Variants in SFMBT1 observed in about 807,000 individuals in gnomAD.
The protein encoded by SFMBT1 is scm-like with four MBT domains protein 1.
A neutral mutation model predicts 108.7 loss-of-function variants in SFMBT1; 32 were observed. The ratio of observed to expected loss-of-function variants is 0.29; its 90% CI spans 0.22 to 0.40. SFMBT1 has a LOEUF of 0.40. Ranked by LOEUF, SFMBT1 falls within the 10% of genes least tolerant of loss-of-function variation. The pLI is 1.00. For synonymous variants in SFMBT1, 348 were observed against 369.5 expected, an observed-to-expected ratio of 0.94 and a Z score of 0.67; for missense variants, 816 against 1,059.6, an observed-to-expected ratio of 0.77 and a Z score of 3.19.
chr3:53,023,775 C>G (rs1559553415), intron 1 of SFMBT1, among the ~76,000 whole-genome samples: 1 of 152,198 alleles, frequency 6.6e-6, no homozygotes, highest in African/African-American at 2.4e-5. Flanking sequence ...GTTCCTACAG[C>G]CCTTTCTTTT....
intron 5 of SFMBT1, among the ~76,000 whole-genome samples, chr3:52,933,783 T>G (rs1342555376): frequency 6.6e-6 from 1 of 152,066 alleles, no homozygotes; most frequent in Non-Finnish European, 1.5e-5. Context: ...ACCATAAAAC[T>G]CTTAGAAAAT....
At chr3:52,978,413 C>T (rs1704594555) in intron 1 of SFMBT1, among the ~76,000 whole-genome samples, 1 of 152,098 alleles carries the variant, frequency 6.6e-6, no homozygotes, top group African/African-American at 2.4e-5. Flanking sequence ...CTGCCACTCC[C>T]ATGTACCTCT....
intron 2 of SFMBT1, among the ~76,000 whole-genome samples, chr3:52,956,868 A>T (rs1703802737): frequency 1.3e-5 from 2 of 152,212 alleles, no homozygotes; most frequent in South Asian, 4.1e-4. Context: ...AGCCAATATC[A>T]TACTGAATGG....
rs961281273 is a variant in SFMBT1, at chr3:52,906,300, A to G, written c.2332-59T>C. ...TGTTACGGCTATTTTATTCTAAAAAAGTCTCTCTACCTAAATTCATAATCT... is the reference window on the plus strand; with the variant it reads ...TGTTACGGCTATTTTATTCTAAAAAGGTCTCTCTACCTAAATTCATAATCT... On this transcript the variant is annotated intron_variant, in intron 19 of 20. Transcript: ENST00000394752. The G allele has an allele frequency of 1.6e-5, 25 of 1,611,318 alleles. No individual in the cohort carries two copies. The Middle Eastern group carries it at 8.2e-4, about 53-fold the overall frequency.
chr3:53,016,095 A>G (rs1699116055), intron 1 of SFMBT1, among the ~76,000 whole-genome samples: 1 of 152,158 alleles, frequency 6.6e-6, no homozygotes, highest in Non-Finnish European at 1.5e-5. Flanking sequence ...GCAGTAAAAG[A>G]AAATAAAGTT....
At chr3:53,013,455 A>G (rs1699020956) in intron 1 of SFMBT1, among the ~76,000 whole-genome samples, 1 of 151,390 alleles carries the variant, frequency 6.6e-6, no homozygotes, top group South Asian at 2.1e-4. Flanking sequence ...TCACTTTTCT[A>G]TCCACTGCTA....
intron 1 of SFMBT1, among the ~76,000 whole-genome samples, chr3:52,998,060 A>C (rs1454471643): frequency 1.3e-5 from 2 of 150,626 alleles, no homozygotes; most frequent in Non-Finnish European, 3.0e-5. Context: ...AAAATTTTTT[A>C]AATTACAGCA....
At chr3:52,931,170 C>T in intron 6 of SFMBT1, 135 bp from the exon 7 acceptor site, 1 of 702,974 alleles carries the variant, frequency 1.4e-6, no homozygotes, top group Non-Finnish European at 2.4e-6. Context: ...ACTTATATCC[C>T]TTTACATTCA....
chr3:52,942,673 C>T (rs1156793898), intron 4 of SFMBT1, among the ~76,000 whole-genome samples: 1 of 152,208 alleles, frequency 6.6e-6, no homozygotes, highest in African/African-American at 2.4e-5. Context: ...CCACCACACC[C>T]AGCTAATTGT....
chr3:53,015,101 T>C (rs966483935), intron 1 of SFMBT1, among the ~76,000 whole-genome samples: 1 of 151,682 alleles, frequency 6.6e-6, no homozygotes, highest in Non-Finnish European at 1.5e-5. Context: ...TCACAGCTAC[T>C]GAGGAGGCTG....
At chr3:53,044,385 G>A (rs1341235459) in intron 1 of SFMBT1, among the ~76,000 whole-genome samples, 2 of 152,162 alleles carry the variant, frequency 1.3e-5, no homozygotes, top group African/African-American at 4.8e-5. Context: ...AAGGCAGTTA[G>A]TCAATGACAA....
At chr3:52,996,871 C>T in intron 1 of SFMBT1, among the ~76,000 whole-genome samples, 1 of 149,698 alleles carries the variant, frequency 6.7e-6, no homozygotes. Context: ...AGATTGAGAC[C>T]ATCCTGGCTA....
At chr3:52,907,861 A>C (rs1241462045) in intron 17 of SFMBT1, 128 bp from the exon 18 acceptor site, 4 of 841,868 alleles carry the variant, frequency 4.8e-6, no homozygotes, top group Non-Finnish European at 7.2e-6. Context: ...AATTCCATAG[A>C]GTGGAATAAA....
chr3:53,033,362 TGTTGGC>T (rs1271405283), intron 1 of SFMBT1, among the ~76,000 whole-genome samples: 1 of 152,050 alleles, frequency 6.6e-6, no homozygotes, highest in Non-Finnish European at 1.5e-5. Flanking sequence ...GGTTTCACCA[TGTTGGC>T]CAGGCTGGTC....
At chr3:52,973,787 T>C (rs2336672) in intron 1 of SFMBT1, among the ~76,000 whole-genome samples, 61,101 of 151,978 alleles carry the variant, frequency 0.4, 12,742 homozygotes, top group African/African-American at 0.5. Flanking sequence ...TGAGCTACCA[T>C]GCCTGGCTAA....
rs1343711032 is a variant in SFMBT1, at chr3:53,030,307, G to A, written c.-131+15509C>T. Among the ~76,000 whole-genome samples, 3 of 151,942 alleles carry A rather than the reference G, an allele frequency of 2.0e-5. No homozygotes were observed. In the South Asian group the frequency reaches 6.2e-4, roughly 31 times the overall value. On this transcript the variant is annotated intron_variant, in intron 1 of 20. Transcript: ENST00000394752. Reference sequence around the variant, plus strand: ...CGGAAATATATGATTTACACACATAGAATGTTTCTATAAAAATACAAAAGA... The same window carrying A: ...CGGAAATATATGATTTACACACATAAAATGTTTCTATAAAAATACAAAAGA...
chr3:52,943,153 G>A (rs911717665), intron 4 of SFMBT1, among the ~76,000 whole-genome samples, 200 bp downstream of exon 4: 2 of 152,124 alleles, frequency 1.3e-5, no homozygotes, highest in African/African-American at 4.8e-5. Flanking sequence ...AAAAACCTGA[G>A]GCTTTATGTA....
intron 1 of SFMBT1, among the ~76,000 whole-genome samples, chr3:53,000,400 A>T (rs1359561641): frequency 6.7e-6 from 1 of 149,900 alleles, no homozygotes; most frequent in Non-Finnish European, 1.5e-5. Context: ...GATATTTGGA[A>T]TTTTTTTAAG....
At chr3:53,034,554 T>C (rs1699803707) in intron 1 of SFMBT1, among the ~76,000 whole-genome samples, 1 of 152,012 alleles carries the variant, frequency 6.6e-6, no homozygotes, top group Non-Finnish European at 1.5e-5. Flanking sequence ...TACTCCAGCC[T>C]GGGTGACAAC....
Sources: allele counts gnomAD v4.1 joint callset (sites outside exome capture counted in the v4.1 genomes callset), GRCh38; gene constraint gnomAD v4.1.1; transcripts MANE v1.5; gene names NCBI Gene and HGNC (gene_info 2026-07-23, HGNC 2026-07-21).